Variants in STRIT1 observed in about 807,000 individuals in gnomAD.
The protein encoded by STRIT1 is small transmembrane regulator of ion transport 1, also known as sarcoplasmic/endoplasmic reticulum calcium ATPase regulator DWORF.
In STRIT1 at chr3:155,291,010, A is replaced by G. The variant is rs950118641; in HGVS notation, c.42T>C (p.Val14=). Reference sequence around the variant, plus strand: ...TCCAGCCAATCAGGAGAAGAATAGGAACCAGAAGGTGTGAAAATGTAGACC... The same window carrying G: ...TCCAGCCAATCAGGAGAAGAATAGGGACCAGAAGGTGTGAAAATGTAGACC... ...KAGSTFSHLL[V]PILLLIGWIV... Residue 14 remains valine (V), a synonymous_variant, in exon 2 of 3, where the codon GTT becomes GTC. Coordinates refer to ENST00000489090, the MANE Select transcript of STRIT1 (RefSeq NM_001352129.2). 42 of 398,770 alleles carry G rather than the reference A, an allele frequency of 1.1e-4. No homozygotes were observed. Among genetic ancestry groups the G allele is most frequent in the African/African-American group, 7.6e-4 (37 of 48,740 alleles). 24.7% of individuals were successfully genotyped at this position (398,770 alleles called of 1,614,324 possible). A position where few individuals can be genotyped will look rare whatever the true frequency, so the allele number is the denominator to read the frequency against.
In STRIT1 at chr3:155,290,839, C is replaced by A. The variant is rs1715618309; in HGVS notation, c.*12G>T. The A allele has an allele frequency of 2.5e-6, 1 of 394,712 alleles. No homozygotes were observed. The highest frequency in any genetic ancestry group is 4.5e-6 in the Non-Finnish European group (1 of 223,738). The allele number at this position is 394,712 out of a possible 1,614,324, so 24.5% of individuals were successfully genotyped here. A position where few individuals can be genotyped will look rare whatever the true frequency, so the allele number is the denominator to read the frequency against. ...CTTCTAAATGATGTCAATCTGATAT[C>A]TTCTTGCCTGAAAGACAAAACATTC... On this transcript the variant is annotated 3_prime_UTR_variant, in exon 3 of 3. Transcript: ENST00000489090.
intron 1 of STRIT1, among the ~76,000 whole-genome samples, chr3:155,292,881 G>C (rs775839444): frequency 5.3e-5 from 8 of 152,110 alleles, no homozygotes; most frequent in Non-Finnish European, 1.2e-4. Context: ...CTCTGGAAAA[G>C]ACTGTCCAGG....
intron 1 of STRIT1, among the ~76,000 whole-genome samples, chr3:155,293,398 T>C (rs575758727): frequency 1.2e-3 from 189 of 152,258 alleles, no homozygotes; most frequent in African/African-American, 4.4e-3. Context: ...GCTCTTTTCC[T>C]TTGTTGATCA....
intron 1 of STRIT1, among the ~76,000 whole-genome samples, chr3:155,291,538 C>T (rs541555774): frequency 1.7e-4 from 26 of 152,280 alleles, no homozygotes; most frequent in Non-Finnish European, 3.2e-4. Context: ...GTATTGAGAA[C>T]TGTCCTTGGC....
rs554949606 is a variant in STRIT1, at chr3:155,290,333, T to C, written c.*518A>G. 1 of 151,704 alleles carries C rather than the reference T, an allele frequency of 6.6e-6. No individual in the cohort carries two copies. 9.4% of individuals were successfully genotyped at this position (151,704 alleles called of 1,614,324 possible). ...TTTTGTGAACAAGAGATTAAGTAAGTGTACTTTTACATTATATGTTCTCTG... is the reference window on the plus strand; with the variant it reads ...TTTTGTGAACAAGAGATTAAGTAAGCGTACTTTTACATTATATGTTCTCTG... On this transcript the variant is annotated 3_prime_UTR_variant, in exon 3 of 3. Transcript: ENST00000489090.
chr3:155,291,678 C>A (rs796155389), intron 1 of STRIT1, among the ~76,000 whole-genome samples: 6 of 152,228 alleles, frequency 3.9e-5, no homozygotes, highest in African/African-American at 1.4e-4. Context: ...CAGCACTGAA[C>A]CTGAATCAAT....
rs902994611 is a variant in STRIT1, at chr3:155,290,230, G to A, written c.*621C>T. The A allele has an allele frequency of 2.0e-5, 3 of 152,070 alleles. No homozygotes were observed. The highest frequency in any genetic ancestry group is 7.2e-5 in the African/African-American group (3 of 41,398). The allele number at this position is 152,070 out of a possible 1,614,324, so 9.4% of individuals were successfully genotyped here. On this transcript the variant is annotated 3_prime_UTR_variant, in exon 3 of 3. Coordinates refer to ENST00000489090, the MANE Select transcript of STRIT1 (RefSeq NM_001352129.2). ...TGCACACAGTCTTACCAACTCATATGTTGTCAAACATCTTTATTTTTTTCC... is the reference window on the plus strand; with the variant it reads ...TGCACACAGTCTTACCAACTCATATATTGTCAAACATCTTTATTTTTTTCC...
intron 1 of STRIT1, among the ~76,000 whole-genome samples, chr3:155,291,577 C>G (rs1267721392): frequency 1.3e-5 from 2 of 152,188 alleles, no homozygotes; most frequent in Admixed American, 1.3e-4. Flanking sequence ...TTTTAAATAT[C>G]ACAGGGAAAA....
chr3:155,291,290 T>C (rs1193385802), intron 1 of STRIT1: 2 of 297,552 alleles, frequency 6.7e-6, no homozygotes, highest in Non-Finnish European at 1.2e-5. Flanking sequence ...ACTTTCCTAC[T>C]GGTAAAATAT....
At chr3:155,293,575 CTTT>C (rs141586481) in intron 1 of STRIT1, 42 bp downstream of exon 1, 60 of 373,414 alleles carry the variant, frequency 1.6e-4, no homozygotes, top group Non-Finnish European at 1.9e-4. Flanking sequence ...GTCAAGAAGC[CTTT>C]TTTTTTTTTT....
rs1277330938 is a variant in STRIT1 at position 155,291,008 on chromosome 3, G to A, written c.44C>T (p.Pro15Leu). The stretch of plus-strand genomic sequence containing the variant: ...AATCCAGCCAATCAGGAGAAGAATA[G>A]GAACCAGAAGGTGTGAAAATGTAGA... ...AGSTFSHLLV[P>L]ILLLIGWIVG... is the part of the protein sequence containing the mutation. Residue 15 changes from proline to leucine, a missense_variant, in exon 2 of 3, where the codon CCT (proline) becomes CTT (leucine). Coordinates refer to ENST00000489090, the MANE Select transcript of STRIT1 (RefSeq NM_001352129.2). 2.5e-6 allele frequency: 1 copy of A among 398,528 alleles called. No individual in the cohort carries two copies. The highest frequency in any genetic ancestry group is 4.4e-6 in the Non-Finnish European group (1 of 225,898). The allele number at this position is 398,528 out of a possible 1,614,324, so 24.7% of individuals were successfully genotyped here. A position where few individuals can be genotyped will look rare whatever the true frequency, so the allele number is the denominator to read the frequency against.
intron 1 of STRIT1, 164 bp from the exon 2 acceptor site, chr3:155,291,202 C>A: frequency 2.6e-6 from 1 of 380,144 alleles, no homozygotes; most frequent in Non-Finnish European, 4.6e-6. Flanking sequence ...ATACGTGAGA[C>A]TGTCATAAAC....
At chr3:155,291,514 T>C (rs1225403695) in intron 1 of STRIT1, among the ~76,000 whole-genome samples, 1 of 152,164 alleles carries the variant, frequency 6.6e-6, no homozygotes, top group East Asian at 1.9e-4. Flanking sequence ...TAAATAATTA[T>C]AACACAAGGA....
Position 155,290,432 on chromosome 3 carries a change from GTCTC to G in STRIT1, c.*415_*418del, listed in dbSNP as rs1715607511. Reference sequence around the variant, plus strand: ...TTTTTTTTTTTTTTGTAGAGATGGGGTCTCTCTCTGTCGCCTAGGAAGGTCTCCA... The same window carrying G: ...TTTTTTTTTTTTTTGTAGAGATGGGGTCTCTGTCGCCTAGGAAGGTCTCCA... On this transcript the variant is annotated 3_prime_UTR_variant, in exon 3 of 3. Transcript: ENST00000489090. 8.2e-6 allele frequency: 1 copy of G among 122,696 alleles called. No homozygotes were observed. Among genetic ancestry groups the G allele is most frequent in the Non-Finnish European group, 1.6e-5 (1 of 62,574 alleles). The allele number at this position is 122,696 out of a possible 1,614,324, so 7.6% of individuals were successfully genotyped here.
In STRIT1 at chr3:155,290,407, T is replaced by C. The variant is rs2108434314; in HGVS notation, c.*444A>G. The C allele has an allele frequency of 7.7e-6, 1 of 130,452 alleles. No homozygotes were observed. The allele number at this position is 130,452 out of a possible 1,614,324, so 8.1% of individuals were successfully genotyped here. On this transcript the variant is annotated 3_prime_UTR_variant, in exon 3 of 3. Coordinates refer to ENST00000489090, the MANE Select transcript of STRIT1 (RefSeq NM_001352129.2). ...CCATTTTCTTTCTTTTTTTTTTTTT[T>C]TTTTTTTTTTTTTGTAGAGATGGGG... is the stretch of plus-strand genomic sequence containing the variant.
At chr3:155,292,472 A>G (rs927525792) in intron 1 of STRIT1, among the ~76,000 whole-genome samples, 3 of 152,176 alleles carry the variant, frequency 2.0e-5, no homozygotes, top group African/African-American at 7.2e-5. Context: ...AATTTCAAAG[A>G]ATTTGAAAAT....
rs149557262 is a variant in STRIT1, at chr3:155,291,521, A to G, written c.14-483T>C. On this transcript the variant is annotated intron_variant, in intron 1 of 2. Coordinates refer to ENST00000489090, the MANE Select transcript of STRIT1 (RefSeq NM_001352129.2). ...CACTAAAGTAAATAATTATAACACA[A>G]GGAAAGGTATTGAGAACTGTCCTTG... Among the ~76,000 whole-genome samples the G allele has an allele frequency of 7.9e-3, 1,202 of 152,300 alleles. 11 individuals are homozygous for G. The highest frequency in any genetic ancestry group is 0.028 in the African/African-American group (1,148 of 41,568).
intron 1 of STRIT1, among the ~76,000 whole-genome samples, chr3:155,293,016 G>A (rs558084950): frequency 1.3e-5 from 2 of 152,154 alleles, no homozygotes; most frequent in South Asian, 2.1e-4. Flanking sequence ...TCATTGTCAA[G>A]ATTCAAAGCA....
chr3:155,293,227 A>G (rs1033415025), intron 1 of STRIT1, among the ~76,000 whole-genome samples: 1 of 152,158 alleles, frequency 6.6e-6, no homozygotes, highest in Non-Finnish European at 1.5e-5. Flanking sequence ...TTTTACTGTC[A>G]GAAAACAGAC....
Sources: allele counts gnomAD v4.1 joint callset (sites outside exome capture counted in the v4.1 genomes callset), GRCh38; gene constraint gnomAD v4.1.1; transcripts MANE v1.5; gene names NCBI Gene and HGNC (gene_info 2026-07-23, HGNC 2026-07-21).